Variants in GRK6 observed in about 807,000 individuals in gnomAD.
GRK6 encodes G protein-coupled receptor kinase 6.
GRK6 carries 37 observed loss-of-function variants against 80.8 expected under a neutral mutation model. The ratio of observed to expected loss-of-function variants is 0.46; its 90% CI spans 0.35 to 0.60. GRK6 has a LOEUF of 0.60. Ranked by LOEUF, GRK6 falls within the 20% of genes least tolerant of loss-of-function variation. The pLI is 0.00. For synonymous variants in GRK6, 295 were observed against 320.9 expected (o/e 0.92, Z 0.86); for missense variants, 560 against 784.6 (o/e 0.71, Z 3.42).
intron 13 of GRK6, chr5:177,439,966 G>A (rs943703302): frequency 1.3e-5 from 2 of 152,246 alleles, no homozygotes; most frequent in African/African-American, 4.8e-5. Flanking sequence ...GGCTGTTATT[G>A]CTGCTGTGAA....
chr5:177,433,242 G>A lies in GRK6; in HGVS notation c.533+3G>A, dbSNP rs1314848558. The A allele has an allele frequency of 6.2e-7, 1 of 1,614,078 alleles. No homozygotes were observed. Reference sequence around the variant, plus strand: ...CTGCAGTGGAAGTGGCTGGAAAGGTGAGCTCCCTGAAGGCTGGGCCGGGAC... The same window carrying A: ...CTGCAGTGGAAGTGGCTGGAAAGGTAAGCTCCCTGAAGGCTGGGCCGGGAC... On this transcript the variant is annotated splice_donor_region_variant and intron_variant, in intron 6 of 15. Coordinates refer to ENST00000355472, the MANE Select transcript of GRK6 (RefSeq NM_001004106.3).
chr5:177,440,005 G>C (rs1764385485), intron 13 of GRK6: 1 of 152,240 alleles, frequency 6.6e-6, no homozygotes, highest in South Asian at 2.1e-4. Context: ...TGTGTGTGCA[G>C]ATGCCGCCAT....
chr5:177,431,724 G>C, intron 2 of GRK6: 1 of 519,870 alleles, frequency 1.9e-6, no homozygotes, highest in Non-Finnish European at 3.5e-6. Context: ...TAAATCAGGA[G>C]ACAATGCAGG....
chr5:177,431,566 G>T (rs1763888242), intron 2 of GRK6: 1 of 245,388 alleles, frequency 4.1e-6, no homozygotes, highest in South Asian at 4.1e-5. Flanking sequence ...TCCTGGGAAG[G>T]AGGCCCAGCT....
At chr5:177,439,722 GTC>G (rs943997154) in intron 13 of GRK6, among the ~76,000 whole-genome samples, 1 of 151,810 alleles carries the variant, frequency 6.6e-6, no homozygotes, top group African/African-American at 2.4e-5. Context: ...TCTACTCTGT[GTC>G]TCTCTCTGTT....
chr5:177,430,830 A>C (rs750347952), intron 1 of GRK6, 42 bp from the exon 2 acceptor site: 9 of 1,569,332 alleles, frequency 5.7e-6, no homozygotes, highest in Non-Finnish European at 1.8e-6. Context: ...GGCAGTTCTG[A>C]GGCAGTGGGA....
intron 9 of GRK6, among the ~76,000 whole-genome samples, chr5:177,434,618 A>G (rs549756384): frequency 1.3e-5 from 2 of 152,296 alleles, no homozygotes; most frequent in Middle Eastern, 3.4e-3. Context: ...TCAGTCACCA[A>G]GGGGTGGAGA....
At position 177,432,333 on chromosome 5, in the gene GRK6, A is replaced by G. The variant is rs370269557; in HGVS notation, c.339+23A>G. ...ACGGTGAGTGAGCAGCGATGGAGAG[A>G]TGATGGGAGCCACCAGAGCCCCGTG... On this transcript the variant is annotated intron_variant, in intron 4 of 15. Transcript: ENST00000355472. The G allele has an allele frequency of 1.6e-4, 257 of 1,607,642 alleles. 1 individual carries two copies. Among genetic ancestry groups the G allele is most frequent in the South Asian group, 7.8e-4 (71 of 90,894 alleles).
chr5:177,427,491 G>A (rs1224391103), intron 1 of GRK6, among the ~76,000 whole-genome samples: 2 of 152,208 alleles, frequency 1.3e-5, no homozygotes, highest in East Asian at 3.8e-4. Flanking sequence ...ACAGAAAGAA[G>A]TGGGAGCAGA....
upstream of GRK6, among the ~76,000 whole-genome samples, chr5:177,426,299 A>T (rs1351709732): frequency 1.3e-5 from 2 of 152,192 alleles, no homozygotes; most frequent in African/African-American, 4.8e-5. Context: ...ACCCAATCAA[A>T]ATGCAGTACT....
chr5:177,432,885 C>T (rs1266843975), intron 5 of GRK6, 79 bp downstream of exon 5: 3 of 1,182,730 alleles, frequency 2.5e-6, no homozygotes, highest in Admixed American at 2.0e-5. Flanking sequence ...CTGTGAACAG[C>T]TCGGTGGCTG....
At chr5:177,441,355 C>T (rs1474723255) in intron 15 of GRK6, 34 of 1,395,816 alleles carry the variant, frequency 2.4e-5, no homozygotes, top group Non-Finnish European at 2.6e-5. Context: ...GTCTGGTGCC[C>T]GCCCCACTCC....
At position 177,440,995 on chromosome 5, in the gene GRK6, A is replaced by C; in HGVS notation, c.1619A>C (p.Lys540Thr). Residue 540 changes from lysine to threonine, a missense_variant, in exon 15 of 16, where the codon AAG becomes ACG. Lys to Thr is a moderately conservative substitution (Grantham distance 78). This residue lies in a region of GRK6 where 294 missense variants were observed against 397.4 expected (regional missense o/e 0.74). Coordinates refer to ENST00000355472, the MANE Select transcript of GRK6 (RefSeq NM_001004106.3). Reference sequence around the variant, plus strand: ...TCAGTTCCCCCAGACCTGGACTGGAAGGGCCAGCCACCTGCACCTCCTAAA... The same window carrying C: ...TCAGTTCCCCCAGACCTGGACTGGACGGGCCAGCCACCTGCACCTCCTAAA... ...DGSVPPDLDW[K>T]GQPPAPPKKG... 1 of 1,614,016 alleles carries C rather than the reference A, an allele frequency of 6.2e-7. No individual in the cohort carries two copies. Among genetic ancestry groups the C allele is most frequent in the Non-Finnish European group, 8.5e-7 (1 of 1,180,024 alleles).
Position 177,440,922 on chromosome 5 carries a change from G to T in GRK6, c.1546G>T (p.Val516Leu). ...ACAGCCGCCTGCTCCTCAGCAGATG[G>T]TGGAGACCGAGTGCTTCCAAGAGCT... is the stretch of plus-strand genomic sequence containing the variant. The part of the protein sequence containing the change: ...SVPIPWQNEM[V>L]ETECFQELNV... Residue 516 changes from valine (V) to leucine (L), a missense_variant, in exon 15 of 16, where the codon GTG (valine) becomes TTG (leucine). Coordinates refer to ENST00000355472, the MANE Select transcript of GRK6 (RefSeq NM_001004106.3). The T allele has an allele frequency of 1.2e-6, 2 of 1,614,010 alleles. No homozygotes were observed. Among genetic ancestry groups the T allele is most frequent in the Non-Finnish European group, 8.5e-7 (1 of 1,179,986 alleles).
chr5:177,426,035 T>G (rs1390581837), upstream of GRK6, among the ~76,000 whole-genome samples: 1 of 152,180 alleles, frequency 6.6e-6, no homozygotes, highest in East Asian at 1.9e-4. Flanking sequence ...CTGCGGGGGC[T>G]GGGCGGGGCG....
chr5:177,434,972 G>C (rs1261393245), intron 10 of GRK6, 33 bp downstream of exon 10: 1 of 1,613,266 alleles, frequency 6.2e-7, no homozygotes. Context: ...GGTCAGGGTG[G>C]GGTGAGATGC....
intron 2 of GRK6, 28 bp downstream of exon 2, chr5:177,430,995 C>T: frequency 6.3e-7 from 1 of 1,594,548 alleles, no homozygotes; most frequent in African/African-American, 1.3e-5. Context: ...ACTGGGGGTG[C>T]TGAGGCGAGG....
chr5:177,431,082 G>A, intron 2 of GRK6, 115 bp downstream of exon 2: 1 of 787,924 alleles, frequency 1.3e-6, no homozygotes, highest in South Asian at 1.7e-5. Context: ...GCTCCAGTGA[G>A]CAGGAGGATG....
At chr5:177,437,100 GC>G (rs1251379538) in intron 13 of GRK6, among the ~76,000 whole-genome samples, 1 of 151,840 alleles carries the variant, frequency 6.6e-6, no homozygotes, top group East Asian at 1.9e-4. Context: ...GATTACAGGC[GC>G]CCACCACCAT....
Sources: gnomAD v4.1 joint callset for allele counts (sites outside exome capture counted in the v4.1 genomes callset) on GRCh38, gnomAD v4.1.1 for gene constraint, gnomAD v4.1.1 regional missense constraint, MANE v1.5 for transcripts, NCBI Gene and HGNC (gene_info 2026-07-23, HGNC 2026-07-21) for gene names.